OPHN1: variants seen among roughly 807,000 people sequenced by gnomAD.
The protein encoded by OPHN1 is oligophrenin-1.
OPHN1 carries 11 observed loss-of-function variants against 60.7 expected under a neutral mutation model. The ratio of observed to expected loss-of-function variants is 0.18; its 90% CI spans 0.11 to 0.30. The LOEUF (loss-of-function observed/expected upper bound fraction) is 0.30. Among genes scored for constraint, OPHN1 ranks in the 10% least tolerant of loss-of-function variants. The pLI is 1.00. For synonymous variants in OPHN1, 226 were observed against 222.6 expected (o/e 1.02, Z -0.14); for missense variants, 449 against 611.0 (o/e 0.73, Z 2.80).
At chrX:68,364,710 T>C (rs1027112814) in intron 2 of OPHN1, among the ~76,000 whole-genome samples, 2 of 112,383 alleles carry the variant, frequency 1.8e-5, no homozygotes, top group Non-Finnish European at 1.9e-5. Flanking sequence ...TCATTAAAAT[T>C]TAATAAAATT....
chrX:68,377,400 CT>C (rs1197999479), intron 2 of OPHN1, among the ~76,000 whole-genome samples: 188 of 107,177 alleles, frequency 1.8e-3, no homozygotes, highest in African/African-American at 5.2e-3. Flanking sequence ...CCAGCCTTCT[CT>C]TTTTTTTTAT....
intron 11 of OPHN1, among the ~76,000 whole-genome samples, chrX:68,198,649 C>T (rs2077522486): frequency 9.0e-6 from 1 of 111,612 alleles, no homozygotes; most frequent in Admixed American, 9.6e-5. Context: ...GTTCCTTCCA[C>T]AAATTCTGTG....
At chrX:68,047,414 AG>A (rs1201997483) in intron 24 of OPHN1, among the ~76,000 whole-genome samples, 10 of 111,602 alleles carry the variant, frequency 9.0e-5, no homozygotes, top group African/African-American at 3.3e-4. Flanking sequence ...ATCTACATGG[AG>A]AAATAGAAGC....
chrX:68,111,555 A>G (rs1435328972), intron 18 of OPHN1, among the ~76,000 whole-genome samples: 1 of 112,483 alleles, frequency 8.9e-6, no homozygotes, highest in Non-Finnish European at 1.9e-5. Context: ...GCCTGAGATT[A>G]TACAGCAAAT....
At chrX:68,194,391 A>T in intron 13 of OPHN1, 74 bp downstream of exon 13, 1 of 852,419 alleles carries the variant, frequency 1.2e-6, no homozygotes, top group Non-Finnish European at 1.8e-6. Flanking sequence ...ACACATCATT[A>T]ATGATGGTAT....
intron 5 of OPHN1, among the ~76,000 whole-genome samples, chrX:68,253,821 T>C (rs995029505): frequency 8.9e-6 from 1 of 111,887 alleles, no homozygotes; most frequent in Non-Finnish European, 1.9e-5. Flanking sequence ...CTTTATCTAC[T>C]GTTATCAGTC....
At chrX:68,240,086 T>C (rs1257232227) in intron 5 of OPHN1, among the ~76,000 whole-genome samples, 2 of 112,432 alleles carry the variant, frequency 1.8e-5, no homozygotes, top group East Asian at 5.6e-4. Flanking sequence ...GTTGGGATTA[T>C]CGGCATGAGC....
At position 68,261,420 on chromosome X, in the gene OPHN1, A is replaced by T. The variant is rs764232076; in HGVS notation, c.384+13318T>A. ...TACACTGCGGGATGAAAGACCCATT[A>T]TAAACAGAGCTGGACTAAGACTTGC... On this transcript the variant is annotated intron_variant, in intron 5 of 24. Coordinates refer to ENST00000355520, the MANE Select transcript of OPHN1 (RefSeq NM_002547.3). Among the ~76,000 whole-genome samples, 192 of 111,898 alleles carry T rather than the reference A, an allele frequency of 1.7e-3. 1 individual carries two copies. The highest frequency in any genetic ancestry group is 5.8e-3 in the African/African-American group (180 of 30,801).
At chrX:68,078,518 T>C (rs1264640693) in intron 19 of OPHN1, among the ~76,000 whole-genome samples, 1 of 111,788 alleles carries the variant, frequency 8.9e-6, no homozygotes, top group Non-Finnish European at 1.9e-5. Flanking sequence ...CAACAATCTC[T>C]TCCGATTGAA....
At chrX:68,224,982 C>T (rs965325710) in intron 6 of OPHN1, among the ~76,000 whole-genome samples, 1 of 112,353 alleles carries the variant, frequency 8.9e-6, no homozygotes, top group African/African-American at 3.2e-5. Context: ...CCAAGGGAAG[C>T]TGTGACAGAC....
chrX:68,389,931 G>A lies in OPHN1; in HGVS notation c.154+42936C>T, dbSNP rs765230867. Among the ~76,000 whole-genome samples, 135 of 111,878 alleles carry A rather than the reference G, an allele frequency of 1.2e-3. 1 individual carries two copies. Among genetic ancestry groups the A allele is most frequent in the African/African-American group, 4.3e-3 (132 of 30,845 alleles). On this transcript the variant is annotated intron_variant, in intron 2 of 24. Transcript: ENST00000355520. ...GAGACTGGGTAATTTATAAAGGAAA[G>A]AGGTTTAATTGACTCACAGTTCCAC...
intron 2 of OPHN1, among the ~76,000 whole-genome samples, chrX:68,416,032 T>A (rs1286812304): frequency 3.6e-5 from 1 of 27,770 alleles, no homozygotes; most frequent in East Asian, 1.4e-3. Context: ...AAAAATTATA[T>A]AATATATATA....
At chrX:68,370,069 A>G (rs1317821894) in intron 2 of OPHN1, among the ~76,000 whole-genome samples, 2 of 94,138 alleles carry the variant, frequency 2.1e-5, no homozygotes, top group Non-Finnish European at 4.1e-5. Context: ...AGAATTCTGC[A>G]TCTGGCAAAA....
chrX:68,079,702 C>CT (rs1328487365), intron 19 of OPHN1, among the ~76,000 whole-genome samples: 1 of 112,054 alleles, frequency 8.9e-6, no homozygotes, highest in Non-Finnish European at 1.9e-5. Context: ...ATATATCTAA[C>CT]TAACTGCTCA....
At chrX:68,147,756 T>A in intron 15 of OPHN1, among the ~76,000 whole-genome samples, 1 of 112,104 alleles carries the variant, frequency 8.9e-6, no homozygotes, top group Middle Eastern at 4.6e-3. Flanking sequence ...GAAGTTATGA[T>A]GATGAAATAG....
intron 6 of OPHN1, among the ~76,000 whole-genome samples, chrX:68,217,112 T>G (rs921912102): frequency 8.9e-6 from 1 of 111,783 alleles, no homozygotes. Context: ...ATTGCCTCAC[T>G]TGGGAAGCGC....
chrX:68,320,071 C>T (rs1457195859), intron 2 of OPHN1, among the ~76,000 whole-genome samples: 1 of 110,753 alleles, frequency 9.0e-6, no homozygotes, highest in Non-Finnish European at 1.9e-5. Flanking sequence ...AAAGAGAAGC[C>T]GGGCACAGTG....
intron 5 of OPHN1, among the ~76,000 whole-genome samples, chrX:68,257,724 T>A (rs1362393447): frequency 8.9e-6 from 1 of 111,782 alleles, no homozygotes; most frequent in Non-Finnish European, 1.9e-5. Context: ...GTTACACTAG[T>A]AACCTTTCAA....
At chrX:68,086,586 A>G (rs2076996859) in intron 19 of OPHN1, among the ~76,000 whole-genome samples, 1 of 112,292 alleles carries the variant, frequency 8.9e-6, no homozygotes, top group Non-Finnish European at 1.9e-5. Flanking sequence ...GGCTTGAAGG[A>G]CATGATTGAA....
Sources: gnomAD v4.1 joint callset for allele counts (sites outside exome capture counted in the v4.1 genomes callset) on GRCh38, gnomAD v4.1.1 for gene constraint, MANE v1.5 for transcripts, NCBI Gene and HGNC (gene_info 2026-07-23, HGNC 2026-07-21) for gene names.